CERKL: variants seen among roughly 807,000 people sequenced by gnomAD.
CERKL encodes CERK like autophagy regulator.
A neutral mutation model predicts 63.4 loss-of-function variants in CERKL; 61 were observed. The ratio of observed to expected loss-of-function variants is 0.96; its 90% confidence interval spans 0.78 to 1.19. The LOEUF (loss-of-function observed/expected upper bound fraction) is 1.19, where lower values mean the gene tolerates loss of function less well. Ranked by LOEUF, CERKL falls within the 50% of genes most tolerant of loss-of-function variation. The probability of loss-of-function intolerance (pLI) is 0.00; values close to 1 mark genes in which losing one functional copy is unlikely to be tolerated. For missense variants in CERKL, 675 were observed against 655.5 expected (o/e 1.03, Z -0.33); for synonymous variants, 250 against 230.5 (o/e 1.08, Z -0.77).
chr2:181,538,159 C>T lies in CERKL; in HGVS notation c.*25G>A, dbSNP rs368851275. ...CTTTATATTAAAATTCTAGTTTGTACATTTCTTTTAGAAACAATTACATGT... is the reference window on the plus strand; with the variant it reads ...CTTTATATTAAAATTCTAGTTTGTATATTTCTTTTAGAAACAATTACATGT... On this transcript the variant is annotated 3_prime_UTR_variant, in exon 13 of 13. Transcript: ENST00000410087. The T allele has an allele frequency of 2.5e-5, 36 of 1,454,198 alleles. No individual in the cohort carries two copies. The highest frequency in any genetic ancestry group is 4.6e-5 in the South Asian group (4 of 87,436). 90.1% of individuals were successfully genotyped at this position (1,454,198 alleles called of 1,614,324 possible). A position where few individuals can be genotyped will look rare whatever the true frequency, so the allele number is the denominator to read the frequency against.
At chr2:181,543,557 G>A (rs560639027) in intron 11 of CERKL, among the ~76,000 whole-genome samples, 12 of 152,114 alleles carry the variant, frequency 7.9e-5, no homozygotes, top group South Asian at 4.1e-4. Flanking sequence ...AAAATATAAT[G>A]AGGCAAAAAT....
chr2:181,578,704 T>C (rs1416078796), intron 2 of CERKL, among the ~76,000 whole-genome samples: 1 of 151,968 alleles, frequency 6.6e-6, no homozygotes, highest in Non-Finnish European at 1.5e-5. Flanking sequence ...CTTTTTCCTT[T>C]TACTGTATTT....
At chr2:181,590,030 G>A (rs1324357264) in intron 2 of CERKL, among the ~76,000 whole-genome samples, 1 of 151,682 alleles carries the variant, frequency 6.6e-6, no homozygotes, top group Non-Finnish European at 1.5e-5. Context: ...ATGTTGCCCA[G>A]GCTGGTCTGT....
At chr2:181,636,124 T>A (rs1438852744) in intron 1 of CERKL, among the ~76,000 whole-genome samples, 1 of 152,170 alleles carries the variant, frequency 6.6e-6, no homozygotes, top group Non-Finnish European at 1.5e-5. Context: ...CTACTTCCCT[T>A]CTGTTTACAT....
chr2:181,561,103 G>T (rs918446630), intron 4 of CERKL, among the ~76,000 whole-genome samples: 5 of 152,100 alleles, frequency 3.3e-5, no homozygotes, highest in African/African-American at 1.2e-4. Context: ...GAGTTTAGGC[G>T]CAAATGGCCA....
At position 181,539,085 on chromosome 2, in the gene CERKL, G is replaced by GACTT; in HGVS notation, c.1538+3_1538+6dup. ...TTGACAATAAGCGGTGAAATAAATA[G>GACTT]ACTTACCTAATATGGACCTCTGATG... is the stretch of plus-strand genomic sequence containing the variant. On this transcript the variant is annotated splice_region_variant and intron_variant, in intron 12 of 12. Transcript: ENST00000410087. 6.4e-7 allele frequency: 1 copy of GACTT among 1,562,304 alleles called. No homozygotes were observed. The highest frequency in any genetic ancestry group is 8.8e-7 in the Non-Finnish European group (1 of 1,133,322).
intron 1 of CERKL, among the ~76,000 whole-genome samples, chr2:181,655,513 A>G (rs1327797282): frequency 1.3e-5 from 2 of 152,246 alleles, no homozygotes; most frequent in Non-Finnish European, 2.9e-5. Flanking sequence ...AGAAAATACT[A>G]CACCTTGGTT....
intron 2 of CERKL, among the ~76,000 whole-genome samples, chr2:181,593,167 G>A (rs1256031137): frequency 6.6e-6 from 1 of 152,136 alleles, no homozygotes; most frequent in Non-Finnish European, 1.5e-5. Context: ...CCCCAAGTAA[G>A]TGGTAAAGCT....
At position 181,548,838 on chromosome 2, in the gene CERKL, G is replaced by A. The variant is rs1687852860; in HGVS notation, c.915C>T (p.Asp305=). 13 of 1,613,886 alleles carry A rather than the reference G, an allele frequency of 8.1e-6. No individual in the cohort carries two copies. Among genetic ancestry groups the A allele is most frequent in the Middle Eastern group, 1.6e-4 (1 of 6,062 alleles). ...TGCCAGCGGTGCTGAAGGTGCAGACGTCGACCAGCTGTACATGCCCTTGAA... is the reference window on the plus strand; with the variant it reads ...TGCCAGCGGTGCTGAAGGTGCAGACATCGACCAGCTGTACATGCCCTTGAA... The part of the protein sequence containing the change: ...HIIMGHVQLV[D]VCTFSTAGKL... The change falls in exon 7 of 13, where the codon GAC becomes GAT. Residue 305 remains aspartate (D), a synonymous_variant. Transcript: ENST00000410087.
chr2:181,596,522 A>G (rs1330156753), intron 2 of CERKL, among the ~76,000 whole-genome samples: 1 of 152,208 alleles, frequency 6.6e-6, no homozygotes, highest in African/African-American at 2.4e-5. Context: ...AACCTTTGCC[A>G]TGTCTGTCAA....
Position 181,566,101 on chromosome 2 carries a change from C to A in CERKL, c.634G>T (p.Ala212Ser). 1 of 1,610,870 alleles carries A rather than the reference C, an allele frequency of 6.2e-7. No homozygotes were observed. Among genetic ancestry groups the A allele is most frequent in the South Asian group, 1.1e-5 (1 of 91,026 alleles). Reference sequence around the variant, plus strand: ...TCACATTCCTTAAGCAGTGACAGAGCGTGCCCTTCATATTCCATTACTATT... The same window carrying A: ...TCACATTCCTTAAGCAGTGACAGAGAGTGCCCTTCATATTCCATTACTATT... ...DVTIMEYEGHALSLLKECELQ... is the reference protein window; with the variant it reads ...DVTIMEYEGHSLSLLKECELQ... The change falls in exon 4 of 13, where the codon GCT becomes TCT. Residue 212 changes from alanine to serine, a missense_variant. Physicochemically the swap from Ala to Ser is moderately conservative, Grantham distance 99 (BLOSUM62 1). Coordinates refer to ENST00000410087, the MANE Select transcript of CERKL (RefSeq NM_201548.5).
intron 2 of CERKL, among the ~76,000 whole-genome samples, chr2:181,597,358 GT>G (rs1204490383): frequency 2.0e-5 from 3 of 152,118 alleles, no homozygotes; most frequent in Admixed American, 2.0e-4. Context: ...ATACAAACTA[GT>G]TTTTTTCTCC....
At chr2:181,650,123 A>C (rs865913946) in intron 1 of CERKL, 1 of 103,112 alleles carries the variant, frequency 9.7e-6, no homozygotes, top group African/African-American at 4.6e-5. Context: ...GGAAGGAAGG[A>C]AGGAAGGAAG....
chr2:181,614,698 TA>T (rs1375200627), intron 1 of CERKL, among the ~76,000 whole-genome samples: 29 of 152,190 alleles, frequency 1.9e-4, no homozygotes, highest in Non-Finnish European at 3.8e-4. Flanking sequence ...TAATTGTATG[TA>T]AAAGCTACAT....
chr2:181,549,386 C>T (rs1304927702), intron 6 of CERKL, among the ~76,000 whole-genome samples: 7 of 152,116 alleles, frequency 4.6e-5, no homozygotes, highest in African/African-American at 7.2e-5. Context: ...TTTGAGCACA[C>T]TACAATATTT....
In CERKL at chr2:181,540,727, T is replaced by C. The variant is rs540197308; in HGVS notation, c.1366-1463A>G. ...CTGTGAAGCCACAGACGCTGTTAAG[T>C]GGGACTTTCGGGAGCCAAGAGCTTA... On this transcript the variant is annotated intron_variant, in intron 11 of 12. Coordinates refer to ENST00000410087, the MANE Select transcript of CERKL (RefSeq NM_201548.5). 9.9e-5 allele frequency among the ~76,000 whole-genome samples: 15 copies of C among 152,252 alleles called. 1 individual carries two copies. Among genetic ancestry groups the C allele is most frequent in the Admixed American group, 5.9e-4 (9 of 15,270 alleles).
Position 181,538,123 on chromosome 2 carries a change from TG to T in CERKL, c.*60del, listed in dbSNP as rs1559065644. On this transcript the variant is annotated 3_prime_UTR_variant, in exon 13 of 13. Coordinates refer to ENST00000410087, the MANE Select transcript of CERKL (RefSeq NM_201548.5). ...GGGTGGGGACCACAGGTTTAAAGCA[TG>T]GCCACATTTCTTTATATTAAAATTC... 3.4e-6 allele frequency: 4 copies of T among 1,174,252 alleles called. No homozygotes were observed. In the Admixed American group the frequency reaches 6.9e-5, roughly 20 times the overall value. 72.7% of individuals were successfully genotyped at this position (1,174,252 alleles called of 1,614,324 possible).
rs1487573925 is a variant in CERKL, at chr2:181,573,782, T to C, written c.584A>G (p.Lys195Arg). 1 of 1,612,620 alleles carries C rather than the reference T, an allele frequency of 6.2e-7. No individual in the cohort carries two copies. Among genetic ancestry groups the C allele is most frequent in the Non-Finnish European group, 8.5e-7 (1 of 1,179,156 alleles). ...TACATCAGTTTTTATTCCTGCAAGC[T>C]TCAACAGAGGTTCAACCTTCTCATA... The part of the protein sequence containing the change: ...VYYEKVEPLL[K>R]LAGIKTDVTI... Residue 195 changes from lysine (K) to arginine (R), a missense_variant, in exon 3 of 13, where the codon AAG becomes AGG. By Grantham distance (26) the Lys-to-Arg change is conservative. Coordinates refer to ENST00000410087, the MANE Select transcript of CERKL (RefSeq NM_201548.5).
chr2:181,557,410 T>C (rs1238116497), intron 5 of CERKL, among the ~76,000 whole-genome samples: 1 of 152,240 alleles, frequency 6.6e-6, no homozygotes, highest in African/African-American at 2.4e-5. Context: ...CTTGAATTAA[T>C]TTTTGTGTAA....
Sources: gnomAD v4.1 joint callset for allele counts (sites outside exome capture counted in the v4.1 genomes callset) on GRCh38, gnomAD v4.1.1 for gene constraint, MANE v1.5 for transcripts, NCBI Gene and HGNC (gene_info 2026-07-23, HGNC 2026-07-21) for gene names.